GKAP1: variants seen among roughly 807,000 people sequenced by gnomAD.
GKAP1 encodes G kinase-anchoring protein 1.
GKAP1 carries 31 observed loss-of-function variants against 56.7 expected under a neutral mutation model. That is an observed-to-expected ratio of 0.55 (90% CI 0.41 to 0.74). The LOEUF is 0.74. Among genes scored for constraint, GKAP1 ranks in the 30% least tolerant of loss-of-function variants. The probability of loss-of-function intolerance (pLI) is 0.00; values close to 1 mark genes in which losing one functional copy is unlikely to be tolerated. For missense variants in GKAP1, 364 were observed against 402.3 expected (o/e 0.90, Z 0.82); for synonymous variants, 151 against 138.6 (o/e 1.09, Z -0.63).
At chr9:83,764,998 T>TG (rs1198771807) in intron 8 of GKAP1, among the ~76,000 whole-genome samples, 1 of 151,826 alleles carries the variant, frequency 6.6e-6, no homozygotes, top group African/African-American at 2.4e-5. Flanking sequence ...ACCAAGACAA[T>TG]GGGGAAAATG....
intron 3 of GKAP1, among the ~76,000 whole-genome samples, chr9:83,800,844 C>T (rs1944320795): frequency 6.6e-6 from 1 of 152,196 alleles, no homozygotes; most frequent in African/African-American, 2.4e-5. Context: ...ACCTCACTTC[C>T]GTTTTCTGTC....
chr9:83,796,629 G>A (rs1466381419), intron 4 of GKAP1, among the ~76,000 whole-genome samples: 2 of 151,986 alleles, frequency 1.3e-5, no homozygotes, highest in African/African-American at 4.8e-5. Context: ...CATCACGCCT[G>A]GCTAATTTTG....
At chr9:83,742,449 G>A (rs112858868) in intron 11 of GKAP1, 81 bp downstream of exon 11, 3 of 825,742 alleles carry the variant, frequency 3.6e-6, no homozygotes, top group Admixed American at 2.1e-5. Context: ...CAGTGTTGAT[G>A]AGCTGTATTT....
chr9:83,742,050 A>T, intron 11 of GKAP1, 21 bp from the exon 12 acceptor site: 1 of 1,530,088 alleles, frequency 6.5e-7, no homozygotes, highest in Non-Finnish European at 8.9e-7. Flanking sequence ...ATATTCAATA[A>T]GAAAAAGAAT....
intron 4 of GKAP1, among the ~76,000 whole-genome samples, chr9:83,795,990 G>A (rs993900954): frequency 6.6e-6 from 1 of 152,134 alleles, no homozygotes; most frequent in African/African-American, 2.4e-5. Context: ...TTTCTCCTGT[G>A]TATATATTTA....
intron 4 of GKAP1, among the ~76,000 whole-genome samples, chr9:83,790,506 G>A (rs1166541844): frequency 6.6e-6 from 1 of 152,088 alleles, no homozygotes; most frequent in African/African-American, 2.4e-5. Context: ...AAACTAGGCC[G>A]GCACAGTGGC....
intron 4 of GKAP1, among the ~76,000 whole-genome samples, chr9:83,795,506 T>C (rs563003591): frequency 3.0e-4 from 45 of 152,174 alleles, no homozygotes; most frequent in African/African-American, 1.1e-3. Flanking sequence ...TTCTTTTTAA[T>C]TGACAGGAGC....
chr9:83,804,046 C>G (rs1181870089), intron 3 of GKAP1, among the ~76,000 whole-genome samples: 1 of 150,480 alleles, frequency 6.6e-6, no homozygotes, highest in African/African-American at 2.5e-5. Context: ...GTAAGGAGCC[C>G]CTCTGCCCGG....
intron 7 of GKAP1, among the ~76,000 whole-genome samples, chr9:83,777,826 G>C (rs1943888748): frequency 6.6e-6 from 1 of 152,154 alleles, no homozygotes; most frequent in African/African-American, 2.4e-5. Flanking sequence ...CATTTTGTTT[G>C]AGAGTTCAAA....
chr9:83,810,157 G>T (rs1266833603), intron 2 of GKAP1, among the ~76,000 whole-genome samples: 1 of 152,114 alleles, frequency 6.6e-6, no homozygotes, highest in African/African-American at 2.4e-5. Flanking sequence ...TTACATTTTT[G>T]ATGAAAAGAG....
chr9:83,771,649 C>G (rs1943764209), intron 7 of GKAP1, among the ~76,000 whole-genome samples: 1 of 152,076 alleles, frequency 6.6e-6, no homozygotes, highest in Non-Finnish European at 1.5e-5. Context: ...TATTTCCCCC[C>G]CAAGTAATTA....
At chr9:83,784,269 A>C (rs115591637) in intron 6 of GKAP1, among the ~76,000 whole-genome samples, 1,958 of 150,324 alleles carry the variant, frequency 0.013, 36 homozygotes, top group African/African-American at 0.045. Flanking sequence ...TCCATCTAAA[A>C]AAAGAAAAAA....
chr9:83,806,256 G>T, intron 3 of GKAP1, 46 bp downstream of exon 3: 1 of 1,239,940 alleles, frequency 8.1e-7, no homozygotes, highest in Non-Finnish European at 1.1e-6. Context: ...TTCTCAGGAT[G>T]ATTACCATCT....
At chr9:83,740,164 G>A (rs559540089) in intron 12 of GKAP1, among the ~76,000 whole-genome samples, 8 of 152,018 alleles carry the variant, frequency 5.3e-5, no homozygotes, top group African/African-American at 1.9e-4. Flanking sequence ...GTTCTGTTGC[G>A]TTTTGCTCAC....
intron 2 of GKAP1, among the ~76,000 whole-genome samples, chr9:83,814,964 G>C (rs530451731): frequency 4.6e-5 from 7 of 152,286 alleles, no homozygotes; most frequent in African/African-American, 1.7e-4. Context: ...ACAAGGTCAA[G>C]AGATCGAGAC....
At chr9:83,774,862 C>A (rs1036676222) in intron 7 of GKAP1, among the ~76,000 whole-genome samples, 31 of 151,464 alleles carry the variant, frequency 2.0e-4, no homozygotes, top group African/African-American at 7.5e-4. Context: ...GTGCATGCCA[C>A]CACACCCAGA....
chr9:83,777,347 T>TA (rs1214075448), intron 7 of GKAP1, among the ~76,000 whole-genome samples: 1 of 152,172 alleles, frequency 6.6e-6, no homozygotes, highest in African/African-American at 2.4e-5. Flanking sequence ...TGAGATACCC[T>TA]TCCTAACAGT....
chr9:83,742,015 A>G lies in GKAP1; in HGVS notation c.990T>C (p.His330=). 6.3e-7 allele frequency: 1 copy of G among 1,588,296 alleles called. No individual in the cohort carries two copies. Among genetic ancestry groups the G allele is most frequent in the African/African-American group, 1.4e-5 (1 of 73,310 alleles). ...NELTIQVTSL[H]AALEQERSKV... ...TAGATCTTTCTTGTTCTAATGCAGC[A>G]TGAAGTGAAGTCACCTATAACCAAA... The change falls in exon 12 of 13, where the codon CAT becomes CAC. Residue 330 remains histidine (H), a synonymous_variant. Coordinates refer to ENST00000376371, the MANE Select transcript of GKAP1 (RefSeq NM_025211.4).
At chr9:83,769,312 C>A (rs1007779315) in intron 7 of GKAP1, among the ~76,000 whole-genome samples, 1 of 152,140 alleles carries the variant, frequency 6.6e-6, no homozygotes, top group South Asian at 2.1e-4. Flanking sequence ...CAGAGTTGTA[C>A]AACCATCACC....
Sources: gnomAD v4.1 joint callset for allele counts (sites outside exome capture counted in the v4.1 genomes callset) on GRCh38, gnomAD v4.1.1 for gene constraint, MANE v1.5 for transcripts, NCBI Gene and HGNC (gene_info 2026-07-23, HGNC 2026-07-21) for gene names.